ZSCAN32: variants seen among roughly 807,000 people sequenced by gnomAD.
The protein encoded by ZSCAN32 is zinc finger and SCAN domain containing 32, also known as zinc finger and SCAN domain-containing protein 32.
A neutral mutation model predicts 47.4 loss-of-function variants in ZSCAN32; 52 were observed. That is an observed-to-expected ratio of 1.10 (90% confidence interval 0.88 to 1.38). The LOEUF (loss-of-function observed/expected upper bound fraction) is 1.38. Among genes scored for constraint, ZSCAN32 ranks in the 40% most tolerant of loss-of-function variants. The probability of loss-of-function intolerance (pLI) is 0.00; values close to 1 mark genes in which losing one functional copy is unlikely to be tolerated. For missense variants in ZSCAN32, 959 were observed against 846.0 expected (o/e 1.13, Z -1.66); for synonymous variants, 346 against 305.7 (o/e 1.13, Z -1.38).
intron 5 of ZSCAN32, among the ~76,000 whole-genome samples, chr16:3,385,304 G>A (rs1483234759): frequency 6.6e-6 from 1 of 152,112 alleles, no homozygotes; most frequent in African/African-American, 2.4e-5. Context: ...CCAGCCTGAT[G>A]ACAGAGAGAG....
intron 2 of ZSCAN32, among the ~76,000 whole-genome samples, chr16:3,395,101 C>T (rs561982491): frequency 6.6e-5 from 10 of 152,342 alleles, no homozygotes; most frequent in Non-Finnish European, 1.3e-4. Context: ...CTGTAAAATC[C>T]TCAATATCAA....
chr16:3,397,137 G>T, intron 2 of ZSCAN32, 55 bp downstream of exon 2: 1 of 1,468,864 alleles, frequency 6.8e-7, no homozygotes, highest in Non-Finnish European at 9.0e-7. Context: ...CCAGTAACTG[G>T]ATTCCCCGAC....
At chr16:3,397,827 CTT>C in intron 1 of ZSCAN32, 83 bp from the exon 2 acceptor site, 3 of 278,778 alleles carry the variant, frequency 1.1e-5, no homozygotes, top group Non-Finnish European at 2.0e-5. Flanking sequence ...TATCCCTTTC[CTT>C]TACTCCCTCC....
intron 4 of ZSCAN32, 91 bp from the exon 5 acceptor site, chr16:3,390,224 G>C: frequency 6.7e-7 from 1 of 1,485,168 alleles, no homozygotes; most frequent in Non-Finnish European, 9.0e-7. Flanking sequence ...TGTCAGATCA[G>C]GGGCAAGGCA....
rs768623278 is a variant in ZSCAN32, at chr16:3,397,448, C to T, written c.110G>A (p.Arg37His). 7 of 1,550,804 alleles carry T rather than the reference C, an allele frequency of 4.5e-6. No individual in the cohort carries two copies. Among genetic ancestry groups the T allele is most frequent in the Non-Finnish European group, 5.2e-6 (6 of 1,147,186 alleles). ...GTAGCAAAACTGCCTGAAGCGCTGA[C>T]GGGAGGCCTCGGAGTCAGGGCTGTT... ...QGNSPDSEASRQRFRQFCYQE... is the reference protein window; with the variant it reads ...QGNSPDSEASHQRFRQFCYQE... The change falls in exon 2 of 7, where the codon CGT becomes CAT. Residue 37 changes from arginine (R) to histidine (H), a missense_variant. Arg to His is a conservative substitution (Grantham distance 29). Coordinates refer to ENST00000396852, the MANE Select transcript of ZSCAN32 (RefSeq NM_001284527.2).
At chr16:3,390,303 T>G in intron 4 of ZSCAN32, 120 bp downstream of exon 4, 1 of 1,355,966 alleles carries the variant, frequency 7.4e-7, no homozygotes, top group Non-Finnish European at 9.9e-7. Context: ...GTGGACAGAA[T>G]CAAAATAACC....
intron 5 of ZSCAN32, among the ~76,000 whole-genome samples, chr16:3,388,279 C>T (rs1271952371): frequency 1.3e-5 from 2 of 152,192 alleles, no homozygotes; most frequent in African/African-American, 2.4e-5. Context: ...CAAGTCATTG[C>T]GTCTGTCTTA....
intron 2 of ZSCAN32, among the ~76,000 whole-genome samples, chr16:3,394,426 C>T (rs1009226968): frequency 3.9e-5 from 6 of 152,116 alleles, no homozygotes; most frequent in Non-Finnish European, 7.4e-5. Flanking sequence ...AGCACTAGGC[C>T]ATTTCCTCTG....
At chr16:3,385,077 C>T (rs2031792179) in intron 5 of ZSCAN32, 136 bp from the exon 6 acceptor site, 1 of 1,074,334 alleles carries the variant, frequency 9.3e-7, no homozygotes, top group East Asian at 2.4e-5. Flanking sequence ...GTAATCCCAG[C>T]ACTTTGGGAG....
intron 3 of ZSCAN32, among the ~76,000 whole-genome samples, chr16:3,391,577 G>A (rs941274023): frequency 1.3e-5 from 2 of 151,486 alleles, no homozygotes; most frequent in Non-Finnish European, 2.9e-5. Flanking sequence ...TACTCAGGAC[G>A]CTGAGGCAAG....
intron 3 of ZSCAN32, 117 bp from the exon 4 acceptor site, chr16:3,390,634 A>ATTTGT: frequency 2.5e-6 from 2 of 795,608 alleles, no homozygotes; most frequent in Non-Finnish European, 3.9e-6. Context: ...ACCCATCAGA[A>ATTTGT]ATACAAATTC....
At chr16:3,385,762 TCCCTTCCTTACACCTTATACAAAAA>T (rs1211453064) in intron 5 of ZSCAN32, among the ~76,000 whole-genome samples, 1 of 152,204 alleles carries the variant, frequency 6.6e-6, no homozygotes, top group Non-Finnish European at 1.5e-5. Flanking sequence ...TGAAACTGGA[TCCCTTCCTTACACCTTATACAAAAA>T]TTAATTCAAG....
chr16:3,386,066 A>G (rs1259615788), intron 5 of ZSCAN32, among the ~76,000 whole-genome samples: 1 of 152,260 alleles, frequency 6.6e-6, no homozygotes, highest in East Asian at 1.9e-4. Context: ...GCTAATATCC[A>G]GAATCTACAA....
intron 3 of ZSCAN32, among the ~76,000 whole-genome samples, chr16:3,393,082 G>C (rs1267041137): frequency 7.2e-6 from 1 of 138,588 alleles, no homozygotes; most frequent in African/African-American, 2.8e-5. Context: ...AACACATAAA[G>C]AATCTCTGTT....
chr16:3,392,557 G>C (rs2032839515), intron 3 of ZSCAN32, among the ~76,000 whole-genome samples: 1 of 152,104 alleles, frequency 6.6e-6, no homozygotes, highest in Admixed American at 6.5e-5. Context: ...GCCAGGCGTG[G>C]TGGCTCATGC....
rs201243225 is a variant in ZSCAN32, at chr16:3,384,754, T to C, written c.939A>G (p.Leu313=). ...TCCTCACTTTGCGGTAACTCAACTG[T>C]AGGCTTTTGAACTTGGTGCGACACT... ...PEQCRTKFKS[L]QLSYRKVRRG... is the part of the protein sequence containing the mutation. The change falls in exon 6 of 7, where the codon CTA becomes CTG. Residue 313 remains leucine, a synonymous_variant. Coordinates refer to ENST00000396852, the MANE Select transcript of ZSCAN32 (RefSeq NM_001284527.2). 8 of 1,614,212 alleles carry C rather than the reference T, an allele frequency of 5.0e-6. No homozygotes were observed. The highest frequency in any genetic ancestry group is 2.2e-5 in the South Asian group (2 of 91,088).
At chr16:3,388,302 A>G (rs2032248671) in intron 5 of ZSCAN32, among the ~76,000 whole-genome samples, 1 of 152,124 alleles carries the variant, frequency 6.6e-6, no homozygotes, top group African/African-American at 2.4e-5. Context: ...CTCTTCCTCC[A>G]TGTAGGATAT....
Position 3,384,532 on chromosome 16 carries a change from A to G in ZSCAN32, c.1161T>C (p.Asp387=), listed in dbSNP as rs2031695709. 1.2e-6 allele frequency: 2 copies of G among 1,614,078 alleles called. No homozygotes were observed. Among genetic ancestry groups the G allele is most frequent in the Non-Finnish European group, 8.5e-7 (1 of 1,180,014 alleles). ...EDGTVDGADR[D]EKDFRNPGQE... is the part of the protein sequence containing the mutation. ...GGCCAGGATTCCTGAAGTCCTTTTC[A>G]TCCCTGTCTGCACCATCCACAGTGC... Residue 387 remains aspartate (D), a synonymous_variant, in exon 6 of 7, where the codon GAT becomes GAC. Coordinates refer to ENST00000396852, the MANE Select transcript of ZSCAN32 (RefSeq NM_001284527.2).
At chr16:3,399,228 AG>A (rs1243084683) in intron 1 of ZSCAN32, among the ~76,000 whole-genome samples, 1 of 152,224 alleles carries the variant, frequency 6.6e-6, no homozygotes, top group African/African-American at 2.4e-5. Context: ...TCTCAAAAAA[AG>A]AAAAAGTCCC....
Sources: allele counts gnomAD v4.1 joint callset (sites outside exome capture counted in the v4.1 genomes callset), GRCh38; gene constraint gnomAD v4.1.1; transcripts MANE v1.5; gene names NCBI Gene and HGNC (gene_info 2026-07-23, HGNC 2026-07-21).